HS2ST1: variants seen among roughly 807,000 people sequenced by gnomAD.
HS2ST1 encodes the protein heparan sulfate 2-O-sulfotransferase 1.
HS2ST1 carries 18 observed loss-of-function variants against 42.9 expected under a neutral mutation model. That is an observed-to-expected ratio of 0.42 (90% CI 0.29 to 0.62). The LOEUF (loss-of-function observed/expected upper bound fraction) is 0.62. Among genes scored for constraint, HS2ST1 ranks in the 20% least tolerant of loss-of-function variants. The probability of loss-of-function intolerance (pLI) is 0.21; values close to 1 mark genes in which losing one functional copy is unlikely to be tolerated. For synonymous variants in HS2ST1, 146 were observed against 152.9 expected (o/e 0.95, Z 0.33); for missense variants, 334 against 433.8 (o/e 0.77, Z 2.04).
At chr1:86,937,666 G>A (rs1660684240) in intron 1 of HS2ST1, among the ~76,000 whole-genome samples, 1 of 151,980 alleles carries the variant, frequency 6.6e-6, no homozygotes, top group African/African-American at 2.4e-5. Context: ...CCTAGCTGCA[G>A]TCTTTAACAG....
chr1:87,061,222 A>T (rs1434299512), intron 1 of HS2ST1, among the ~76,000 whole-genome samples: 7 of 152,168 alleles, frequency 4.6e-5, no homozygotes, highest in African/African-American at 1.7e-4. Flanking sequence ...AACCTGTATT[A>T]TAAGATCTCA....
chr1:87,072,518 T>G (rs974634617), intron 1 of HS2ST1, among the ~76,000 whole-genome samples: 2 of 152,128 alleles, frequency 1.3e-5, no homozygotes, highest in African/African-American at 4.8e-5. Flanking sequence ...TGAGAATTAG[T>G]TCAGGCTGTA....
At chr1:86,922,538 T>C (rs1353779441) in intron 1 of HS2ST1, among the ~76,000 whole-genome samples, 12 of 152,066 alleles carry the variant, frequency 7.9e-5, no homozygotes, top group Admixed American at 7.9e-4. Flanking sequence ...ATGAATTCTT[T>C]TCATTTTGTG....
chr1:87,094,358 A>G (rs928560375), intron 4 of HS2ST1, among the ~76,000 whole-genome samples: 1 of 152,108 alleles, frequency 6.6e-6, no homozygotes. Flanking sequence ...TATTAACAGT[A>G]ATAATAGCTC....
chr1:87,080,951 G>A (rs544208691), intron 2 of HS2ST1, among the ~76,000 whole-genome samples: 1 of 152,230 alleles, frequency 6.6e-6, no homozygotes, highest in South Asian at 2.1e-4. Flanking sequence ...TGCCACCATG[G>A]GCTAAAGTGC....
chr1:86,978,861 C>T (rs866785788), intron 1 of HS2ST1, among the ~76,000 whole-genome samples: 78 of 98,604 alleles, frequency 7.9e-4, no homozygotes, highest in East Asian at 3.0e-3. Flanking sequence ...ACTTGTGAAT[C>T]TTTTTTTTTT....
At chr1:87,059,395 G>A (rs1275405270) in intron 1 of HS2ST1, among the ~76,000 whole-genome samples, 1 of 152,054 alleles carries the variant, frequency 6.6e-6, no homozygotes, top group Non-Finnish European at 1.5e-5. Flanking sequence ...GAAGTATTTT[G>A]TTCTTACTTA....
chr1:86,981,913 C>G (rs987966767), intron 1 of HS2ST1, among the ~76,000 whole-genome samples: 3 of 152,268 alleles, frequency 2.0e-5, no homozygotes, highest in Non-Finnish European at 2.9e-5. Context: ...CCTTTCCACA[C>G]CGTCCTAGCA....
At chr1:86,915,771 C>A (rs487006) in intron 1 of HS2ST1, among the ~76,000 whole-genome samples, 36,441 of 152,072 alleles carry the variant, frequency 0.24, 5,152 homozygotes, top group African/African-American at 0.39. Flanking sequence ...AACGCGAGTG[C>A]AAAGCTTCAT....
intron 4 of HS2ST1, among the ~76,000 whole-genome samples, chr1:87,097,189 G>GCTA (rs1652087402): frequency 6.6e-6 from 1 of 152,168 alleles, no homozygotes; most frequent in South Asian, 2.1e-4. Context: ...GGACACAAAT[G>GCTA]CTACTGCTTG....
chr1:86,916,691 C>G (rs1290691017), intron 1 of HS2ST1, among the ~76,000 whole-genome samples: 1 of 151,986 alleles, frequency 6.6e-6, no homozygotes, highest in Non-Finnish European at 1.5e-5. Flanking sequence ...TCTGGTTTTT[C>G]TTTTCTTTTG....
chr1:86,930,559 A>G (rs1660522730), intron 1 of HS2ST1, among the ~76,000 whole-genome samples: 1 of 151,948 alleles, frequency 6.6e-6, no homozygotes, highest in African/African-American at 2.4e-5. Flanking sequence ...GTTATCTTGT[A>G]GAATAAGATT....
At chr1:86,918,164 CT>C (rs1660205657) in intron 1 of HS2ST1, among the ~76,000 whole-genome samples, 1 of 151,970 alleles carries the variant, frequency 6.6e-6, no homozygotes. Context: ...GTATTCAAAA[CT>C]GAGGTGTACT....
chr1:87,032,119 A>G (rs1259084537), intron 1 of HS2ST1, among the ~76,000 whole-genome samples: 3 of 152,226 alleles, frequency 2.0e-5, no homozygotes, highest in African/African-American at 7.2e-5. Context: ...AATTAAGAAA[A>G]TAATTGCTCT....
chr1:86,977,058 A>AAACAAC (rs1003296251), intron 1 of HS2ST1, among the ~76,000 whole-genome samples: 2 of 152,074 alleles, frequency 1.3e-5, no homozygotes, highest in Non-Finnish European at 2.9e-5. Context: ...TCAAAAAACA[A>AAACAAC]AACAACAACA....
Position 86,985,411 on chromosome 1 carries a change from CATATATAT to C in HS2ST1, c.124+70253_124+70260del, listed in dbSNP as rs1267285197. 2.7e-3 allele frequency among the ~76,000 whole-genome samples: 134 copies of C among 49,996 alleles called. 11 individuals are homozygous for C. Among genetic ancestry groups the C allele is most frequent in the East Asian group, 0.012 (3 of 242 alleles). The allele number at this position is 49,996 out of a possible 152,430, so 32.8% of individuals were successfully genotyped here. A position where few individuals can be genotyped will look rare whatever the true frequency, so the allele number is the denominator to read the frequency against. On this transcript the variant is annotated intron_variant, in intron 1 of 6. Coordinates refer to ENST00000370550, the MANE Select transcript of HS2ST1 (RefSeq NM_012262.4). ...ACACACACACACACATATATATACA[CATATATAT>C]ACACATATATACACACATATATACA...
chr1:87,006,791 G>A (rs994931439), intron 1 of HS2ST1, among the ~76,000 whole-genome samples: 1 of 151,812 alleles, frequency 6.6e-6, no homozygotes, highest in African/African-American at 2.4e-5. Flanking sequence ...CTAAATATTT[G>A]CTAACATAAG....
At chr1:87,088,109 A>G (rs1186431364) in intron 3 of HS2ST1, among the ~76,000 whole-genome samples, 1 of 152,068 alleles carries the variant, frequency 6.6e-6, no homozygotes, top group South Asian at 2.1e-4. Context: ...GTCTTCTTTC[A>G]GTTACCATAT....
intron 1 of HS2ST1, among the ~76,000 whole-genome samples, chr1:87,035,802 A>T (rs1650359208): frequency 6.6e-6 from 1 of 151,960 alleles, no homozygotes. Flanking sequence ...TTGTTCAGAG[A>T]AGACGAAAGA....
Sources: allele counts gnomAD v4.1 joint callset (sites outside exome capture counted in the v4.1 genomes callset), GRCh38; gene constraint gnomAD v4.1.1; transcripts MANE v1.5; gene names NCBI Gene and HGNC (gene_info 2026-07-23, HGNC 2026-07-21).